Variants in LPAR3 observed in about 807,000 individuals in gnomAD.
LPAR3 encodes the protein LPA receptor 3.
LPAR3 carries 7 observed loss-of-function variants against 17.8 expected under a neutral mutation model. The observed-to-expected ratio is 0.39, with a 90% CI of 0.22 to 0.74. LPAR3 has a LOEUF of 0.74. Among genes scored for constraint, LPAR3 ranks in the 30% least tolerant of loss-of-function variants. The pLI is 0.40. For synonymous variants in LPAR3, 179 were observed against 179.9 expected (o/e 0.99, Z 0.04); for missense variants, 391 against 453.4 (o/e 0.86, Z 1.25).
chr1:84,828,940 G>A (rs1255779481), intron 2 of LPAR3, among the ~76,000 whole-genome samples: 9 of 152,042 alleles, frequency 5.9e-5, no homozygotes, highest in African/African-American at 9.7e-5. Flanking sequence ...AGGAGCCAAC[G>A]TTAGTGCTAA....
At chr1:84,835,650 T>C (rs1172345234) in intron 2 of LPAR3, among the ~76,000 whole-genome samples, 2 of 152,206 alleles carry the variant, frequency 1.3e-5, no homozygotes, top group Non-Finnish European at 2.9e-5. Flanking sequence ...TTTTAAAATA[T>C]CTTCTACAAG....
At chr1:84,820,499 A>G (rs1271249415) in intron 2 of LPAR3, among the ~76,000 whole-genome samples, 2 of 152,206 alleles carry the variant, frequency 1.3e-5, no homozygotes, top group African/African-American at 4.8e-5. Flanking sequence ...TGCACAGGTG[A>G]GAAATAGCGT....
chr1:84,844,964 A>G (rs1344326699), intron 2 of LPAR3, among the ~76,000 whole-genome samples: 1 of 152,234 alleles, frequency 6.6e-6, no homozygotes, highest in Non-Finnish European at 1.5e-5. Context: ...TTTAGAAACA[A>G]GCAAATTACA....
intron 2 of LPAR3, among the ~76,000 whole-genome samples, chr1:84,836,006 CTTTTT>C (rs34491570): frequency 4.9e-5 from 3 of 61,742 alleles, no homozygotes; most frequent in African/African-American, 6.6e-5. Flanking sequence ...CAACCCCGGC[CTTTTT>C]TTTTTTTTTT....
intron 2 of LPAR3, 143 bp from the exon 3 acceptor site, chr1:84,814,314 A>C (rs945925404): frequency 3.1e-6 from 2 of 650,122 alleles, no homozygotes; most frequent in Non-Finnish European, 2.6e-6. Context: ...TCCACCTACC[A>C]TCTGAGCATT....
chr1:84,878,504 G>A (rs1006445132), intron 1 of LPAR3, among the ~76,000 whole-genome samples: 3 of 151,906 alleles, frequency 2.0e-5, no homozygotes, highest in Admixed American at 1.3e-4. Context: ...CACAAGCCCC[G>A]ACACCTCTCA....
chr1:84,826,362 G>A (rs1659156990), intron 2 of LPAR3, among the ~76,000 whole-genome samples: 1 of 151,708 alleles, frequency 6.6e-6, no homozygotes, highest in African/African-American at 2.4e-5. Flanking sequence ...GAATACTATA[G>A]GTTTTCAAGA....
chr1:84,852,006 C>T (rs1235983545), intron 2 of LPAR3, among the ~76,000 whole-genome samples: 2 of 150,840 alleles, frequency 1.3e-5, no homozygotes, highest in South Asian at 2.1e-4. Flanking sequence ...GGACTAAAGG[C>T]GTGTAGTAGG....
In LPAR3 at chr1:84,865,752, G is replaced by A. The variant is rs989829274; in HGVS notation, c.369C>T (p.Ile123=). ...TGATTGACATGTGCCTCTCCACGGCGATAACCAGCAAGTTGGTGAGGGAAG... is the reference window on the plus strand; with the variant it reads ...TGATTGACATGTGCCTCTCCACGGCAATAACCAGCAAGTTGGTGAGGGAAG... ...LTASLTNLLV[I]AVERHMSIMR... The change falls in exon 2 of 3, where the codon ATC becomes ATT. Residue 123 remains isoleucine (I), a synonymous_variant. Transcript: ENST00000370611. The A allele has an allele frequency of 8.1e-6, 13 of 1,614,052 alleles. No homozygotes were observed. Among genetic ancestry groups the A allele is most frequent in the African/African-American group, 5.3e-5 (4 of 74,924 alleles).
chr1:84,862,918 AT>A (rs1296246980), intron 2 of LPAR3, among the ~76,000 whole-genome samples: 5 of 152,248 alleles, frequency 3.3e-5, no homozygotes, highest in Non-Finnish European at 4.4e-5. Context: ...CTGCCCACAC[AT>A]TACAAATTCT....
At chr1:84,828,007 G>T (rs1181317516) in intron 2 of LPAR3, among the ~76,000 whole-genome samples, 1 of 152,154 alleles carries the variant, frequency 6.6e-6, no homozygotes, top group East Asian at 1.9e-4. Context: ...AAGAAGAAGA[G>T]GGGGTGGAGG....
intron 2 of LPAR3, among the ~76,000 whole-genome samples, chr1:84,817,884 T>TACTACGGAG (rs1658972424): frequency 1.3e-5 from 2 of 152,058 alleles, no homozygotes; most frequent in South Asian, 4.2e-4. Context: ...AGACATGACA[T>TACTACGGAG]ACTACGGAGG....
chr1:84,831,199 T>C (rs957142632), intron 2 of LPAR3, among the ~76,000 whole-genome samples: 1 of 152,254 alleles, frequency 6.6e-6, no homozygotes, highest in African/African-American at 2.4e-5. Flanking sequence ...TGCCAGTTCC[T>C]GCAAGGAGTA....
chr1:84,843,295 T>C (rs1659541013), intron 2 of LPAR3, among the ~76,000 whole-genome samples: 1 of 152,250 alleles, frequency 6.6e-6, no homozygotes, highest in Admixed American at 6.5e-5. Flanking sequence ...TAGGGGGTAG[T>C]AGTGTACTAT....
At chr1:84,833,223 T>A (rs1382563931) in intron 2 of LPAR3, among the ~76,000 whole-genome samples, 2 of 152,152 alleles carry the variant, frequency 1.3e-5, no homozygotes, top group African/African-American at 4.8e-5. Context: ...TAGACTTTCC[T>A]GCTGCCCCCT....
intron 2 of LPAR3, among the ~76,000 whole-genome samples, chr1:84,816,623 C>T (rs1181665434): frequency 6.6e-6 from 1 of 152,004 alleles, no homozygotes; most frequent in African/African-American, 2.4e-5. Flanking sequence ...CATGGTGAAA[C>T]CCTGTCTCTA....
At chr1:84,817,484 T>C (rs1658959587) in intron 2 of LPAR3, among the ~76,000 whole-genome samples, 1 of 152,170 alleles carries the variant, frequency 6.6e-6, no homozygotes, top group African/African-American at 2.4e-5. Context: ...TCTTCTGAGA[T>C]GTGTTTGGAG....
rs1570893627 is a variant in LPAR3 at position 84,865,395 on chromosome 1, C to A, written c.726G>T (p.Met242Ile). Residue 242 changes from methionine (M) to isoleucine (I), a missense_variant, in exon 2 of 3, where the codon ATG becomes ATT. Coordinates refer to ENST00000370611, the MANE Select transcript of LPAR3 (RefSeq NM_012152.3). ...GGTCCTCTTACCTACCTAAGACAGTCATCACCGTCTTCATTAGCTTCATGG... is the reference window on the plus strand; with the variant it reads ...GGTCCTCTTACCTACCTAAGACAGTAATCACCGTCTTCATTAGCTTCATGG... ...RTPMKLMKTV[M>I]TVLGAFVVCW... 1.9e-6 allele frequency: 3 copies of A among 1,611,384 alleles called. No individual in the cohort carries two copies. The highest frequency in any genetic ancestry group is 2.2e-5 in the South Asian group (2 of 90,442).
rs1422752290 is a variant in LPAR3 at position 84,866,871 on chromosome 1, T to C, written c.-18-733A>G. On this transcript the variant is annotated intron_variant, in intron 1 of 2. Transcript: ENST00000370611. ...CCTTACCTTTTGTTCACTTCTTCCT[T>C]ATAGTCTCCTAACCCAAACTGTACC... 2.0e-5 allele frequency among the ~76,000 whole-genome samples: 3 copies of C among 152,184 alleles called. No individual in the cohort carries two copies. In the East Asian group the frequency reaches 5.8e-4, roughly 29 times the overall value.
Sources: allele counts gnomAD v4.1 joint callset (sites outside exome capture counted in the v4.1 genomes callset), GRCh38; gene constraint gnomAD v4.1.1; transcripts MANE v1.5; gene names NCBI Gene and HGNC (gene_info 2026-07-23, HGNC 2026-07-21).